ABRAXAS1: variants seen among roughly 807,000 people sequenced by gnomAD.
The protein encoded by ABRAXAS1 is abraxas 1, BRCA1 A complex subunit, also known as BRCA1-A complex subunit Abraxas 1.
Under a neutral mutation model 38.4 loss-of-function variants are expected in ABRAXAS1, and 26 were observed. That is an observed-to-expected ratio of 0.68 (90% confidence interval 0.50 to 0.94). ABRAXAS1 has a LOEUF of 0.94. Among genes scored for constraint, ABRAXAS1 ranks in the 40% least tolerant of loss-of-function variants. The probability of loss-of-function intolerance (pLI) is 0.00; values close to 1 mark genes in which losing one functional copy is unlikely to be tolerated. For synonymous variants in ABRAXAS1, 144 were observed against 165.5 expected (o/e 0.87, Z 1.00); for missense variants, 438 against 481.9 (o/e 0.91, Z 0.85).
Position 83,459,950 on chromosome 4 carries a change from C to A in ABRAXAS1, c.*2519G>T. The stretch of plus-strand genomic sequence containing the variant: ...CTAGAGCTAGTTACTATGAAAAAGT[C>A]TCTTAGGCCAAGAGGATTATTATTT... On this transcript the variant is annotated 3_prime_UTR_variant, in exon 9 of 9. Coordinates refer to ENST00000321945, the MANE Select transcript of ABRAXAS1 (RefSeq NM_139076.3). The A allele has an allele frequency of 1.7e-6, 1 of 576,992 alleles. No individual in the cohort carries two copies. The highest frequency in any genetic ancestry group is 3.0e-6 in the Non-Finnish European group (1 of 337,534). The allele number at this position is 576,992 out of a possible 1,614,324, so 35.7% of individuals were successfully genotyped here. A position where few individuals can be genotyped will look rare whatever the true frequency, so the allele number is the denominator to read the frequency against.
rs1215235802 is a variant in ABRAXAS1, at chr4:83,471,706, T to C, written c.282+516A>G. On this transcript the variant is annotated intron_variant, in intron 4 of 8. Coordinates refer to ENST00000321945, the MANE Select transcript of ABRAXAS1 (RefSeq NM_139076.3). ...ACATCCCTGCAGTATCTATCAAAAATAATAACTGAGGCCAGGCATGGTGTG... is the reference window on the plus strand; with the variant it reads ...ACATCCCTGCAGTATCTATCAAAAACAATAACTGAGGCCAGGCATGGTGTG... Among the ~76,000 whole-genome samples the C allele has an allele frequency of 2.0e-5, 3 of 151,882 alleles. No homozygotes were observed. In the East Asian group the frequency reaches 5.8e-4, roughly 29 times the overall value.
At position 83,463,486 on chromosome 4, in the gene ABRAXAS1, T is replaced by G. The variant is rs776317671; in HGVS notation, c.796+8A>C. 1.3e-6 allele frequency: 2 copies of G among 1,563,476 alleles called. No individual in the cohort carries two copies. The highest frequency in any genetic ancestry group is 1.7e-6 in the Non-Finnish European group (2 of 1,146,292). On this transcript the variant is annotated splice_region_variant and intron_variant, in intron 8 of 8. Coordinates refer to ENST00000321945, the MANE Select transcript of ABRAXAS1 (RefSeq NM_139076.3). ...AGCACAGAAAGTAGAGATGTGTTGTTTACTTACTTGCTGCCTGAATCTGTG... is the reference window on the plus strand; with the variant it reads ...AGCACAGAAAGTAGAGATGTGTTGTGTACTTACTTGCTGCCTGAATCTGTG...
Position 83,459,842 on chromosome 4 carries a change from A to G in ABRAXAS1, c.*2627T>C, listed in dbSNP as rs745755545. On this transcript the variant is annotated 3_prime_UTR_variant, in exon 9 of 9. Coordinates refer to ENST00000321945, the MANE Select transcript of ABRAXAS1 (RefSeq NM_139076.3). ...GGGAATATAAATGTAGATACGAATT[A>G]TATCAATCTATTTCTATCATTTAAG... is the stretch of plus-strand genomic sequence containing the variant. 41 of 1,457,464 alleles carry G rather than the reference A, an allele frequency of 2.8e-5. No individual in the cohort carries two copies. The highest frequency in any genetic ancestry group is 1.8e-4 in the African/African-American group (13 of 70,922). The allele number at this position is 1,457,464 out of a possible 1,614,324, so 90.3% of individuals were successfully genotyped here.
chr4:83,470,009 T>G (rs979576662), intron 5 of ABRAXAS1, 194 bp downstream of exon 5: 2 of 457,632 alleles, frequency 4.4e-6, no homozygotes, highest in African/African-American at 4.0e-5. Flanking sequence ...CATTCCACAC[T>G]GGGCTTCTAA....
chr4:83,468,953 A>T (rs1018456758), intron 6 of ABRAXAS1, 79 bp downstream of exon 6: 2 of 1,517,662 alleles, frequency 1.3e-6, no homozygotes, highest in African/African-American at 2.8e-5. Flanking sequence ...TTGAATTTTT[A>T]TTCTGCTGTT....
In ABRAXAS1 at chr4:83,466,497, C is replaced by A. The variant is rs148757443; in HGVS notation, c.681+957G>T. The stretch of plus-strand genomic sequence containing the variant: ...GAAATGTGAGTAGAAGTGACATGGC[C>A]GTTTTAAGCAAAGTTTTAAGAGCTG... On this transcript the variant is annotated intron_variant, in intron 7 of 8. Coordinates refer to ENST00000321945, the MANE Select transcript of ABRAXAS1 (RefSeq NM_139076.3). 5.1e-3 allele frequency among the ~76,000 whole-genome samples: 776 copies of A among 151,734 alleles called. 4 individuals are homozygous for A. Among genetic ancestry groups the A allele is most frequent in the Middle Eastern group, 0.031 (9 of 294 alleles).
intron 7 of ABRAXAS1, among the ~76,000 whole-genome samples, chr4:83,464,400 G>A (rs1110853): frequency 0.99 from 150,819 of 152,294 alleles, 74,695 homozygotes; most frequent in Middle Eastern, 1. Flanking sequence ...ATGAATACCA[G>A]TAACTTTTGA....
At chr4:83,473,330 A>T in intron 3 of ABRAXAS1, among the ~76,000 whole-genome samples, 1 of 152,276 alleles carries the variant, frequency 6.6e-6, no homozygotes, top group Middle Eastern at 3.4e-3. Flanking sequence ...TGAAAATACA[A>T]GAAATTCTTC....
chr4:83,483,477 C>G (rs1723066432), intron 1 of ABRAXAS1, among the ~76,000 whole-genome samples: 1 of 151,944 alleles, frequency 6.6e-6, no homozygotes, highest in African/African-American at 2.4e-5. Context: ...GACATGAGGT[C>G]TCCTTATGTT....
intron 4 of ABRAXAS1, among the ~76,000 whole-genome samples, chr4:83,471,378 T>TC (rs1560575294): frequency 6.6e-6 from 1 of 151,436 alleles, no homozygotes; most frequent in Non-Finnish European, 1.5e-5. Flanking sequence ...TTTTTTTTTT[T>TC]CTTCTGTTTT....
Position 83,470,197 on chromosome 4 carries a change from A to G in ABRAXAS1, c.476+6T>C. The G allele has an allele frequency of 6.2e-7, 1 of 1,605,186 alleles. No individual in the cohort carries two copies. Among genetic ancestry groups the G allele is most frequent in the Non-Finnish European group, 8.5e-7 (1 of 1,175,014 alleles). ...TTAATACAGCCAGTGACTGGCCAAC[A>G]TTTACCCTTTTTGAGGTTTATATAA... On this transcript the variant is annotated splice_donor_region_variant and intron_variant, in intron 5 of 8. Transcript: ENST00000321945.
rs1722088700 is a variant in ABRAXAS1, at chr4:83,461,084, T to G, written c.*1385A>C. ...ATTGAGCTAGCTGAAATTTTGCTCA[T>G]TATGTTTTGTCAAGAACTTTAATTA... On this transcript the variant is annotated 3_prime_UTR_variant, in exon 9 of 9. Transcript: ENST00000321945. 2 of 1,612,858 alleles carry G rather than the reference T, an allele frequency of 1.2e-6. No homozygotes were observed. Among genetic ancestry groups the G allele is most frequent in the Non-Finnish European group, 1.7e-6 (2 of 1,178,966 alleles).
At chr4:83,482,015 G>A in intron 2 of ABRAXAS1, 139 bp downstream of exon 2, 2 of 549,402 alleles carry the variant, frequency 3.6e-6, no homozygotes, top group Non-Finnish European at 6.3e-6. Flanking sequence ...AAAGTGCTGG[G>A]ATTACAGGTG....
intron 2 of ABRAXAS1, chr4:83,478,140 T>C (rs1722854148): frequency 1.3e-6 from 1 of 778,768 alleles, no homozygotes; most frequent in Non-Finnish European, 2.3e-6. Flanking sequence ...TCAGGAATGA[T>C]GGAAGACACA....
At position 83,482,188 on chromosome 4, in the gene ABRAXAS1, G is replaced by A. The variant is rs763350470; in HGVS notation, c.144C>T (p.Ser48=). 1.7e-5 allele frequency: 27 copies of A among 1,610,892 alleles called. No homozygotes were observed. In the Middle Eastern group the frequency reaches 6.6e-4, roughly 39 times the overall value. ...KGEAKNSITD[S]QMDDVEVVYT... is the part of the protein sequence containing the mutation. Reference sequence around the variant, plus strand: ...AAACAACTTCAACATCATCCATTTGGGAATCAGTAATGCTGTTCTTGGCTT... The same window carrying A: ...AAACAACTTCAACATCATCCATTTGAGAATCAGTAATGCTGTTCTTGGCTT... Residue 48 remains serine (S), a synonymous_variant, in exon 2 of 9, where the codon TCC becomes TCT. Transcript: ENST00000321945.
intron 2 of ABRAXAS1, among the ~76,000 whole-genome samples, chr4:83,480,941 G>A (rs754447579): frequency 6.6e-6 from 1 of 152,018 alleles, no homozygotes; most frequent in South Asian, 2.1e-4. Context: ...GGCAAGCCTC[G>A]CCAACATAAT....
rs1395255006 is a variant in ABRAXAS1, at chr4:83,462,007, A to C, written c.*462T>G. The C allele has an allele frequency of 4.4e-6, 1 of 228,470 alleles. No homozygotes were observed. The highest frequency in any genetic ancestry group is 2.2e-5 in the African/African-American group (1 of 45,092). 14.2% of individuals were successfully genotyped at this position (228,470 alleles called of 1,614,324 possible). On this transcript the variant is annotated 3_prime_UTR_variant, in exon 9 of 9. Transcript: ENST00000321945. ...AAGGAGAATTTTAATGACTCAGATAAATTTTCATATAAATTTCTTTCCATA... is the reference window on the plus strand; with the variant it reads ...AAGGAGAATTTTAATGACTCAGATACATTTTCATATAAATTTCTTTCCATA...
chr4:83,462,828 A>C lies in ABRAXAS1; in HGVS notation c.871T>G (p.Ser291Ala). 6.2e-7 allele frequency: 1 copy of C among 1,611,374 alleles called. No homozygotes were observed. The highest frequency in any genetic ancestry group is 8.5e-7 in the Non-Finnish European group (1 of 1,179,288). ...CQALRTFFPNSEFLHSCVMSL... is the reference protein window; with the variant it reads ...CQALRTFFPNAEFLHSCVMSL... ...ATAACACATGAATGAAGAAATTCAG[A>C]ATTTGGAAAAAAGGTCCGTAATGCC... The change falls in exon 9 of 9, where the codon TCT becomes GCT. Residue 291 changes from serine to alanine, a missense_variant. This residue lies in a region of ABRAXAS1 where 184 missense variants were observed against 181.9 expected (regional missense o/e 1.01). Transcript: ENST00000321945.
chr4:83,465,299 C>CAAA (rs35072866), intron 7 of ABRAXAS1, among the ~76,000 whole-genome samples: 66 of 87,780 alleles, frequency 7.5e-4, no homozygotes, highest in East Asian at 9.4e-4. Context: ...GACTCTGTCT[C>CAAA]AAAAAAAAAA....
Sources: gnomAD v4.1 joint callset for allele counts (sites outside exome capture counted in the v4.1 genomes callset) on GRCh38, gnomAD v4.1.1 for gene constraint, gnomAD v4.1.1 regional missense constraint, MANE v1.5 for transcripts, NCBI Gene and HGNC (gene_info 2026-07-23, HGNC 2026-07-21) for gene names.